The following ERBB4 variants were observed in gnomAD, a reference collection of about 807,000 sequenced individuals.
The protein encoded by ERBB4 is erb-b2 receptor tyrosine kinase 4.
In ERBB4, 42 loss-of-function variants were observed where a neutral mutation model predicts 158.0. That is an observed-to-expected ratio of 0.27 (90% CI 0.21 to 0.34). The LOEUF (loss-of-function observed/expected upper bound fraction) is 0.34, where lower values mean the gene tolerates loss of function less well. Among genes scored for constraint, ERBB4 ranks in the 10% least tolerant of loss-of-function variants. The pLI, the probability that ERBB4 is intolerant of heterozygous loss-of-function variation, is 1.00. For synonymous variants in ERBB4, 583 were observed against 558.7 expected, an observed-to-expected ratio of 1.04 and a Z score of -0.61; for missense variants, 1,333 against 1,624.1, an observed-to-expected ratio of 0.82 and a Z score of 3.08.
At chr2:211,512,791 A>G (rs551797706) in intron 20 of ERBB4, among the ~76,000 whole-genome samples, 11 of 152,140 alleles carry the variant, frequency 7.2e-5, no homozygotes, top group Middle Eastern at 3.4e-3. Context: ...GATTTGCATA[A>G]TAACACAACT....
At chr2:211,902,756 CTA>C (rs2079271722) in intron 3 of ERBB4, among the ~76,000 whole-genome samples, 1 of 151,496 alleles carries the variant, frequency 6.6e-6, no homozygotes, top group Admixed American at 6.6e-5. Flanking sequence ...ACTTATCAGA[CTA>C]TTTTGAACTA....
chr2:211,948,947 A>ATGGC (rs33998482), intron 2 of ERBB4, among the ~76,000 whole-genome samples: 28,480 of 151,858 alleles, frequency 0.19, 2,978 homozygotes, highest in African/African-American at 0.29. Flanking sequence ...ACACCTATCA[A>ATGGC]TGGCTGAACT....
intron 22 of ERBB4, among the ~76,000 whole-genome samples, chr2:211,427,158 T>C (rs540555847): frequency 6.6e-6 from 1 of 152,220 alleles, no homozygotes; most frequent in African/African-American, 2.4e-5. Context: ...TTTTTAAAGA[T>C]AGTTAATTTT....
rs1047284231 is a variant in ERBB4, at chr2:211,659,919, C to T, written c.1872-2091G>A. 2.6e-5 allele frequency among the ~76,000 whole-genome samples: 4 copies of T among 152,072 alleles called. No individual in the cohort carries two copies. In the South Asian group the frequency reaches 6.2e-4, roughly 24 times the overall value. ...GTGGAGGGCAGACACCTAGAGCCAA[C>T]CTAGAAGGGCATGATAACCCTCTTA... On this transcript the variant is annotated intron_variant, in intron 15 of 27. Transcript: ENST00000342788.
At chr2:212,073,012 T>C (rs2078169705) in intron 2 of ERBB4, among the ~76,000 whole-genome samples, 1 of 151,902 alleles carries the variant, frequency 6.6e-6, no homozygotes, top group Admixed American at 6.6e-5. Flanking sequence ...GTGCCTGAAC[T>C]GAGCTTACAA....
At chr2:212,234,771 A>G (rs2083795248) in intron 1 of ERBB4, among the ~76,000 whole-genome samples, 1 of 152,142 alleles carries the variant, frequency 6.6e-6, no homozygotes, top group Non-Finnish European at 1.5e-5. Flanking sequence ...TGGCTGCATA[A>G]ATGTCTTCTT....
chr2:212,171,130 C>T (rs1280042987), intron 1 of ERBB4, among the ~76,000 whole-genome samples: 1 of 152,068 alleles, frequency 6.6e-6, no homozygotes, highest in Non-Finnish European at 1.5e-5. Flanking sequence ...CACTTCTTAC[C>T]TCAGCATGAC....
intron 19 of ERBB4, among the ~76,000 whole-genome samples, chr2:211,585,209 G>A (rs1273324659): frequency 5.9e-5 from 9 of 152,052 alleles, no homozygotes; most frequent in African/African-American, 1.9e-4. Flanking sequence ...AAAATTAGCT[G>A]GGCGTGGCAG....
intron 3 of ERBB4, among the ~76,000 whole-genome samples, chr2:211,935,629 G>A (rs1233727013): frequency 1.4e-5 from 2 of 141,474 alleles, no homozygotes; most frequent in African/African-American, 5.0e-5. Context: ...AGCCTCCGAG[G>A]TGCTGAGCCA....
intron 3 of ERBB4, among the ~76,000 whole-genome samples, chr2:211,916,381 T>C (rs2079692270): frequency 6.6e-6 from 1 of 152,110 alleles, no homozygotes; most frequent in South Asian, 2.1e-4. Flanking sequence ...GGTTTCACCA[T>C]GTTGGCTAGG....
chr2:211,461,025 C>T (rs1235189275), intron 20 of ERBB4, among the ~76,000 whole-genome samples: 1 of 151,640 alleles, frequency 6.6e-6, no homozygotes, highest in African/African-American at 2.4e-5. Flanking sequence ...CCTGGTATTA[C>T]AGTTTATATT....
chr2:212,405,290 C>T (rs978540575), intron 1 of ERBB4, among the ~76,000 whole-genome samples: 1 of 151,956 alleles, frequency 6.6e-6, no homozygotes, highest in Non-Finnish European at 1.5e-5. Context: ...CAATGAGATA[C>T]CATCTCACAC....
At chr2:211,875,382 T>C (rs1410571498) in intron 3 of ERBB4, among the ~76,000 whole-genome samples, 1 of 152,174 alleles carries the variant, frequency 6.6e-6, no homozygotes, top group Non-Finnish European at 1.5e-5. Context: ...ATTTTAATTA[T>C]TTCTCATACT....
intron 19 of ERBB4, among the ~76,000 whole-genome samples, chr2:211,606,858 A>T (rs1274785237): frequency 6.6e-6 from 1 of 152,142 alleles, no homozygotes; most frequent in East Asian, 1.9e-4. Flanking sequence ...CACTGGGTGC[A>T]TTGTTTTAAT....
At chr2:211,731,543 T>C (rs965127750) in intron 5 of ERBB4, among the ~76,000 whole-genome samples, 4 of 152,156 alleles carry the variant, frequency 2.6e-5, no homozygotes, top group Non-Finnish European at 2.9e-5. Context: ...TAAGTGTTTA[T>C]TTGTCAGTAT....
At chr2:211,916,076 T>A (rs1419932617) in intron 3 of ERBB4, among the ~76,000 whole-genome samples, 2 of 151,922 alleles carry the variant, frequency 1.3e-5, no homozygotes, top group African/African-American at 4.8e-5. Flanking sequence ...TACCATTTTA[T>A]ATAATTATAA....
intron 12 of ERBB4, among the ~76,000 whole-genome samples, chr2:211,682,085 C>T (rs13018333): frequency 4.3e-4 from 64 of 149,788 alleles, no homozygotes; most frequent in Admixed American, 6.7e-4. Context: ...CACACACACA[C>T]ACACACAATT....
chr2:212,169,569 C>T (rs1035319301), intron 1 of ERBB4, among the ~76,000 whole-genome samples: 8 of 152,116 alleles, frequency 5.3e-5, no homozygotes, highest in African/African-American at 1.7e-4. Flanking sequence ...TAGAAGGAAA[C>T]TTAGGCAATA....
chr2:211,849,486 G>T (rs546600931), intron 3 of ERBB4, among the ~76,000 whole-genome samples: 1 of 151,804 alleles, frequency 6.6e-6, no homozygotes, highest in East Asian at 1.9e-4. Flanking sequence ...TTTTTTCTGT[G>T]CAATGTTTAA....
Sources: allele counts gnomAD v4.1 joint callset (sites outside exome capture counted in the v4.1 genomes callset), GRCh38; gene constraint gnomAD v4.1.1; transcripts MANE v1.5; gene names NCBI Gene and HGNC (gene_info 2026-07-23, HGNC 2026-07-21).